Variants in SNTB1 observed in about 807,000 individuals in gnomAD.
SNTB1 encodes the protein syntrophin beta 1.
In SNTB1, 36 loss-of-function variants were observed where a neutral mutation model predicts 48.9. That is an observed-to-expected ratio of 0.74 (90% confidence interval 0.56 to 0.97). The LOEUF (loss-of-function observed/expected upper bound fraction) is 0.97, where lower values mean the gene tolerates loss of function less well. SNTB1 is among the 50% of genes least tolerant of loss of function. The pLI, the probability that SNTB1 is intolerant of heterozygous loss-of-function variation, is 0.00. For missense variants in SNTB1, 786 were observed against 703.4 expected (o/e 1.12, Z -1.33); for synonymous variants, 299 against 294.6 (o/e 1.01, Z -0.15).
chr8:120,639,553 G>A (rs1277646379), intron 2 of SNTB1, among the ~76,000 whole-genome samples: 1 of 152,132 alleles, frequency 6.6e-6, no homozygotes, highest in Non-Finnish European at 1.5e-5. Flanking sequence ...ATTAATTTTT[G>A]TATAAGGTGT....
chr8:120,559,830 A>T (rs1306513467), intron 4 of SNTB1, among the ~76,000 whole-genome samples: 3 of 152,202 alleles, frequency 2.0e-5, no homozygotes, highest in Non-Finnish European at 4.4e-5. Context: ...CCAAATTAGT[A>T]AAATTACATA....
chr8:120,562,051 C>A (rs1357277425), intron 4 of SNTB1, among the ~76,000 whole-genome samples: 1 of 152,174 alleles, frequency 6.6e-6, no homozygotes, highest in Admixed American at 6.5e-5. Flanking sequence ...TAACCTCAGT[C>A]CTTAGAGCTC....
chr8:120,754,395 A>G (rs1819277920), intron 1 of SNTB1, among the ~76,000 whole-genome samples: 1 of 152,066 alleles, frequency 6.6e-6, no homozygotes, highest in Admixed American at 6.6e-5. Flanking sequence ...GCTCCTGGGG[A>G]GGCTGAGGTA....
chr8:120,543,988 C>T (rs575487084), intron 5 of SNTB1, among the ~76,000 whole-genome samples: 38 of 147,874 alleles, frequency 2.6e-4, no homozygotes, highest in Middle Eastern at 3.4e-3. Flanking sequence ...CAGGGGTCTA[C>T]GCTATGTTAC....
At chr8:120,783,031 A>G (rs1050561360) in intron 1 of SNTB1, among the ~76,000 whole-genome samples, 1 of 152,200 alleles carries the variant, frequency 6.6e-6, no homozygotes, top group African/African-American at 2.4e-5. Context: ...GTTGGTCTAT[A>G]ATATGCAATT....
At chr8:120,722,025 G>T (rs1450846751) in intron 1 of SNTB1, among the ~76,000 whole-genome samples, 2 of 152,124 alleles carry the variant, frequency 1.3e-5, no homozygotes, top group Non-Finnish European at 2.9e-5. Flanking sequence ...TGCTGAGAAT[G>T]ATGGTTTCCA....
intron 2 of SNTB1, among the ~76,000 whole-genome samples, chr8:120,674,586 G>A (rs1817805871): frequency 1.3e-5 from 2 of 152,314 alleles, no homozygotes; most frequent in South Asian, 4.1e-4. Context: ...TAGTGATGGG[G>A]CAAGGACGTC....
intron 4 of SNTB1, among the ~76,000 whole-genome samples, chr8:120,569,161 A>G (rs1006336574): frequency 2.0e-5 from 3 of 152,064 alleles, no homozygotes; most frequent in Admixed American, 2.0e-4. Flanking sequence ...TTGTATTTTT[A>G]GTAGAGACGG....
At chr8:120,620,359 A>C (rs1180280876) in intron 3 of SNTB1, among the ~76,000 whole-genome samples, 1 of 152,170 alleles carries the variant, frequency 6.6e-6, no homozygotes, top group Non-Finnish European at 1.5e-5. Context: ...AGACACAAAA[A>C]GTGAGGATTA....
At chr8:120,560,774 C>T (rs1563817399) in intron 4 of SNTB1, among the ~76,000 whole-genome samples, 4 of 152,116 alleles carry the variant, frequency 2.6e-5, no homozygotes, top group Admixed American at 6.6e-5. Context: ...CAGAGAAAAG[C>T]GGATGTTCAC....
chr8:120,600,979 T>C (rs1190387816), intron 3 of SNTB1, among the ~76,000 whole-genome samples: 2 of 151,966 alleles, frequency 1.3e-5, no homozygotes, highest in African/African-American at 4.8e-5. Context: ...AGCAAACAGC[T>C]CATACAGAGG....
chr8:120,647,051 TCTC>T lies in SNTB1; in HGVS notation c.789-14403_789-14401del, dbSNP rs1817309623. Among the ~76,000 whole-genome samples, 3 of 146,172 alleles carry T rather than the reference TCTC, an allele frequency of 2.1e-5. No homozygotes were observed. In the East Asian group the frequency reaches 6.0e-4, roughly 29 times the overall value. On this transcript the variant is annotated intron_variant, in intron 2 of 6. Coordinates refer to ENST00000517992, the MANE Select transcript of SNTB1 (RefSeq NM_021021.4). ...TTTTATTGCGTCTATTTGATTCTTC[TCTC>T]TTTTCTTCTTTATTAGTCTTGCTAG...
At chr8:120,716,473 T>C (rs1818560385) in intron 1 of SNTB1, among the ~76,000 whole-genome samples, 1 of 152,250 alleles carries the variant, frequency 6.6e-6, no homozygotes, top group Non-Finnish European at 1.5e-5. Flanking sequence ...AGGTCAATTC[T>C]TGCAGTATGA....
chr8:120,638,995 A>G (rs199726313), intron 2 of SNTB1, among the ~76,000 whole-genome samples: 1 of 152,244 alleles, frequency 6.6e-6, no homozygotes, highest in Non-Finnish European at 1.5e-5. Context: ...GAACTAGTTT[A>G]CAGTCCTACC....
intron 2 of SNTB1, among the ~76,000 whole-genome samples, chr8:120,652,781 T>C (rs1014981796): frequency 2.0e-5 from 3 of 152,208 alleles, no homozygotes; most frequent in African/African-American, 7.2e-5. Flanking sequence ...CTGATGTTAG[T>C]AGTTGTCACT....
intron 3 of SNTB1, among the ~76,000 whole-genome samples, chr8:120,609,394 T>C (rs376589285): frequency 1.3e-5 from 2 of 152,252 alleles, no homozygotes; most frequent in Admixed American, 6.5e-5. Flanking sequence ...CAACATATGC[T>C]GGGGATCAAA....
At chr8:120,599,460 G>T (rs1816385912) in intron 3 of SNTB1, among the ~76,000 whole-genome samples, 1 of 151,976 alleles carries the variant, frequency 6.6e-6, no homozygotes. Context: ...TATAAATCCA[G>T]GTTTTATATT....
intron 3 of SNTB1, among the ~76,000 whole-genome samples, chr8:120,604,274 G>A (rs1260943601): frequency 6.6e-6 from 1 of 152,062 alleles, no homozygotes; most frequent in Non-Finnish European, 1.5e-5. Flanking sequence ...GCCTATGAAT[G>A]TCCTCTGCTT....
chr8:120,633,358 C>T (rs1450479030), intron 2 of SNTB1, among the ~76,000 whole-genome samples: 3 of 152,176 alleles, frequency 2.0e-5, no homozygotes, highest in African/African-American at 4.8e-5. Context: ...GTAATCCCAG[C>T]ACTTTGGAAG....
Sources: gnomAD v4.1 joint callset for allele counts (sites outside exome capture counted in the v4.1 genomes callset) on GRCh38, gnomAD v4.1.1 for gene constraint, MANE v1.5 for transcripts, NCBI Gene and HGNC (gene_info 2026-07-23, HGNC 2026-07-21) for gene names.